The following COL5A2 variants were observed in gnomAD, a reference collection of about 807,000 sequenced individuals.
The protein encoded by COL5A2 is collagen alpha-2(V) chain.
In COL5A2, 23 loss-of-function variants were observed where a neutral mutation model predicts 208.2. The observed-to-expected ratio is 0.11, with a 90% CI of 0.08 to 0.16. The LOEUF (loss-of-function observed/expected upper bound fraction) is 0.16. Among genes scored for constraint, COL5A2 ranks in the 10% least tolerant of loss-of-function variants. COL5A2 has a pLI of 1.00. For synonymous variants in COL5A2, 625 were observed against 628.5 expected, an observed-to-expected ratio of 0.99 and a Z score of 0.08; for missense variants, 1,590 against 1,956.4, an observed-to-expected ratio of 0.81 and a Z score of 3.53.
At chr2:189,223,904 G>A (rs184027036) in intron 1 of COL5A2, among the ~76,000 whole-genome samples, 2 of 152,236 alleles carry the variant, frequency 1.3e-5, no homozygotes, top group Admixed American at 1.3e-4. Context: ...AATGTATTGT[G>A]TGGGTTGTAC....
At chr2:189,034,667 A>G (rs937622181) in intron 53 of COL5A2, among the ~76,000 whole-genome samples, 1 of 152,100 alleles carries the variant, frequency 6.6e-6, no homozygotes, top group African/African-American at 2.4e-5. Context: ...AAAAGAACCA[A>G]AGAAAGTCTG....
At chr2:189,381,615 C>T in the COL5A2 span, among the ~76,000 whole-genome samples, 1 of 151,882 alleles carries the variant, frequency 6.6e-6, no homozygotes, top group East Asian at 1.9e-4. Context: ...TACTTAAAAT[C>T]ATGGAAGTAT....
At chr2:189,061,680 G>T in intron 29 of COL5A2, 65 bp from the exon 30 acceptor site, 1 of 1,152,072 alleles carries the variant, frequency 8.7e-7, no homozygotes, top group Non-Finnish European at 1.3e-6. Flanking sequence ...CTCTCTACGT[G>T]AACCACTAGA....
intron 4 of COL5A2, 21 bp from the exon 5 acceptor site, chr2:189,098,780 T>C (rs1310371430): frequency 6.2e-7 from 1 of 1,606,712 alleles, no homozygotes; most frequent in Non-Finnish European, 8.5e-7. Flanking sequence ...AACAAGAAAA[T>C]TTGTAAAGGT....
the COL5A2 span, among the ~76,000 whole-genome samples, chr2:189,312,773 A>T: frequency 6.6e-6 from 1 of 152,156 alleles, no homozygotes; most frequent in Middle Eastern, 3.4e-3. Flanking sequence ...TTCACTGGTG[A>T]TACGTCTAGG....
At chr2:189,120,358 C>A (rs1687476178) in intron 1 of COL5A2, among the ~76,000 whole-genome samples, 1 of 151,988 alleles carries the variant, frequency 6.6e-6, no homozygotes, top group Admixed American at 6.6e-5. Context: ...TATCCTGGGG[C>A]CTTTTGAATT....
intron 9 of COL5A2, 49 bp downstream of exon 9, chr2:189,086,677 T>C: frequency 1.4e-6 from 2 of 1,380,684 alleles, no homozygotes. Context: ...AATATATGTG[T>C]GTGTGTATGT....
chr2:189,099,209 A>G (rs916943720), intron 4 of COL5A2, among the ~76,000 whole-genome samples: 1 of 152,214 alleles, frequency 6.6e-6, no homozygotes, highest in African/African-American at 2.4e-5. Flanking sequence ...AGCACACATA[A>G]ATGCTTTTTA....
the COL5A2 span, among the ~76,000 whole-genome samples, chr2:189,268,616 C>T: frequency 2.1e-4 from 32 of 152,174 alleles, no homozygotes; most frequent in African/African-American, 7.7e-4. Flanking sequence ...ATATACAAGA[C>T]AACATGCTTT....
chr2:189,104,291 A>C lies in COL5A2; in HGVS notation c.323-14T>G. The stretch of plus-strand genomic sequence containing the variant: ...TTCTTCCTCTACCTGTAAAAAGAAA[A>C]GAGTAAATGTGTTATTTTATGAGGA... On this transcript the variant is annotated splice_polypyrimidine_tract_variant and intron_variant, in intron 2 of 53. Transcript: ENST00000374866. The C allele has an allele frequency of 4.7e-6, 7 of 1,479,064 alleles. No individual in the cohort carries two copies. Among genetic ancestry groups the C allele is most frequent in the African/African-American group, 2.8e-5 (2 of 72,154 alleles). 91.6% of individuals were successfully genotyped at this position (1,479,064 alleles called of 1,614,324 possible).
At chr2:189,182,049 T>A (rs909572835), upstream of COL5A2, among the ~76,000 whole-genome samples, 5 of 152,188 alleles carry the variant, frequency 3.3e-5, no homozygotes, top group Admixed American at 2.6e-4. Flanking sequence ...CAACTTGGGC[T>A]TTTTCTCTAT....
chr2:189,116,292 G>A (rs1442744333), intron 1 of COL5A2, among the ~76,000 whole-genome samples: 4 of 152,322 alleles, frequency 2.6e-5, no homozygotes, highest in African/African-American at 9.6e-5. Flanking sequence ...GCACAGCAGA[G>A]CGTGGGCTCC....
the COL5A2 span, among the ~76,000 whole-genome samples, chr2:189,295,597 C>T: frequency 2.6e-5 from 4 of 151,870 alleles, no homozygotes; most frequent in South Asian, 2.1e-4. Flanking sequence ...CCTGGGTGAC[C>T]GAATGAGACT....
the COL5A2 span, among the ~76,000 whole-genome samples, chr2:189,403,834 G>A: frequency 6.6e-6 from 1 of 152,196 alleles, no homozygotes; most frequent in Non-Finnish European, 1.5e-5. Flanking sequence ...TTTTGTTCAA[G>A]CGATTATCCT....
chr2:189,382,665 G>A, the COL5A2 span, among the ~76,000 whole-genome samples: 1 of 152,208 alleles, frequency 6.6e-6, no homozygotes, highest in African/African-American at 2.4e-5. Flanking sequence ...TCACCTGGGT[G>A]CAAGTGGGCT....
At chr2:189,120,099 C>A (rs568619418) in intron 1 of COL5A2, among the ~76,000 whole-genome samples, 13 of 152,126 alleles carry the variant, frequency 8.5e-5, no homozygotes, top group South Asian at 8.3e-4. Flanking sequence ...ATTTATCTAG[C>A]AAATATAATA....
At chr2:189,345,518 AC>A in the COL5A2 span, among the ~76,000 whole-genome samples, 20 of 152,296 alleles carry the variant, frequency 1.3e-4, 1 homozygote, top group African/African-American at 4.3e-4. Flanking sequence ...TTAAGATTCT[AC>A]CTAAGGGATA....
At chr2:189,374,748 C>G in the COL5A2 span, among the ~76,000 whole-genome samples, 1 of 152,032 alleles carries the variant, frequency 6.6e-6, no homozygotes, top group African/African-American at 2.4e-5. Context: ...TGAAAGTATG[C>G]CTTCAGGTTA....
chr2:189,061,499 T>C (rs1686030987), intron 30 of COL5A2, 63 bp downstream of exon 30: 5 of 1,219,372 alleles, frequency 4.1e-6, no homozygotes, highest in Non-Finnish European at 6.0e-6. Flanking sequence ...ATATCTTTTT[T>C]TTTAAAAAAA....
Sources: allele counts gnomAD v4.1 joint callset (sites outside exome capture counted in the v4.1 genomes callset), GRCh38; gene constraint gnomAD v4.1.1; transcripts MANE v1.5; gene names NCBI Gene and HGNC (gene_info 2026-07-23, HGNC 2026-07-21).